ACSM2B: variants seen among roughly 807,000 people sequenced by gnomAD.
ACSM2B encodes the protein acyl-CoA synthetase medium chain family member 2B, also known as acyl-coenzyme A synthetase ACSM2B, mitochondrial.
ACSM2B carries 58 observed loss-of-function variants against 78.6 expected under a neutral mutation model. The observed-to-expected ratio is 0.74, with a 90% CI of 0.60 to 0.92. The LOEUF is 0.92. ACSM2B is among the 40% of genes least tolerant of loss of function. ACSM2B has a pLI of 0.00. For synonymous variants in ACSM2B, 257 were observed against 256.8 expected (o/e 1.00, Z -0.01); for missense variants, 688 against 711.2 (o/e 0.97, Z 0.37).
chr16:20,565,597 C>A (rs956026140), intron 1 of ACSM2B, among the ~76,000 whole-genome samples: 26 of 152,244 alleles, frequency 1.7e-4, no homozygotes, highest in South Asian at 8.3e-4. Context: ...TGGACTGATA[C>A]ATCCTAAATC....
chr16:20,561,946 G>A (rs1352101886), intron 2 of ACSM2B, among the ~76,000 whole-genome samples: 3 of 56,470 alleles, frequency 5.3e-5, no homozygotes, highest in East Asian at 7.9e-4. Flanking sequence ...TCCCACCTAT[G>A]AGTGAGAACA....
In ACSM2B at chr16:20,566,676, C is replaced by CTATATATAATATATACTATATATACTAT. The variant is rs1435556712; in HGVS notation, c.-8-1824_-8-1823insATAGTATATATAGTATATATTATATATA. On this transcript the variant is annotated intron_variant, in intron 1 of 13. Coordinates refer to ENST00000329697, the MANE Select transcript of ACSM2B (RefSeq NM_001105069.2). ...TATATATATGTATATATAGTATATACATATAGTATATACTATATATAGTAT... is the reference window on the plus strand; with the variant it reads ...TATATATATGTATATATAGTATATACTATATATAATATATACTATATATACTATATATAGTATATACTATATATAGTAT... Among the ~76,000 whole-genome samples, 35 of 5,542 alleles carry CTATATATAATATATACTATATATACTAT rather than the reference C, an allele frequency of 6.3e-3. 1 individual carries two copies. Among genetic ancestry groups the CTATATATAATATATACTATATATACTAT allele is most frequent in the African/African-American group, 0.013 (26 of 2,002 alleles). 3.6% of individuals were successfully genotyped at this position (5,542 alleles called of 152,430 possible). A position where few individuals can be genotyped will look rare whatever the true frequency, so the allele number is the denominator to read the frequency against.
At chr16:20,546,563 C>A in intron 8 of ACSM2B, 89 bp from the exon 9 acceptor site, 1 of 1,542,460 alleles carries the variant, frequency 6.5e-7, no homozygotes, top group East Asian at 2.3e-5. Flanking sequence ...CGGGTCCTGA[C>A]ACTGTCCTGA....
At chr16:20,541,495 C>A (rs1385548945) in intron 12 of ACSM2B, among the ~76,000 whole-genome samples, 1 of 151,996 alleles carries the variant, frequency 6.6e-6, no homozygotes, top group African/African-American at 2.4e-5. Flanking sequence ...GGCACAGGGG[C>A]TCTATCCTTT....
chr16:20,545,299 G>C, intron 9 of ACSM2B, 41 bp from the exon 10 acceptor site: 1 of 1,591,952 alleles, frequency 6.3e-7, no homozygotes, highest in Non-Finnish European at 8.6e-7. Context: ...GCACACAGCA[G>C]GAGATGGCTT....
At position 20,548,378 on chromosome 16, in the gene ACSM2B, C is replaced by A; in HGVS notation, c.974+16G>T. The A allele has an allele frequency of 1.2e-6, 2 of 1,613,524 alleles. No individual in the cohort carries two copies. Among genetic ancestry groups the A allele is most frequent in the Non-Finnish European group, 8.5e-7 (1 of 1,179,688 alleles). ...ATGGGGCCAGACTCTCTTACCAATCCTCAAAGCCCCATCACCTGGAAAGAT... is the reference window on the plus strand; with the variant it reads ...ATGGGGCCAGACTCTCTTACCAATCATCAAAGCCCCATCACCTGGAAAGAT... On this transcript the variant is annotated intron_variant, in intron 7 of 13. Coordinates refer to ENST00000329697, the MANE Select transcript of ACSM2B (RefSeq NM_001105069.2).
Position 20,542,999 on chromosome 16 carries a change from G to A in ACSM2B, c.1424C>T (p.Pro475Leu). 1 of 1,613,526 alleles carries A rather than the reference G, an allele frequency of 6.2e-7. No homozygotes were observed. The highest frequency in any genetic ancestry group is 1.3e-5 in the African/African-American group (1 of 74,674). ...CATCAGTGCATTCTCTACCTCCGAGGGTCCAATCCGGTACCTGCAGAAGAA... is the reference window on the plus strand; with the variant it reads ...CATCAGTGCATTCTCTACCTCCGAGAGTCCAATCCGGTACCTGCAGAAGAA... ...IINSSGYRIGPSEVENALMKH... is the reference protein window; with the variant it reads ...IINSSGYRIGLSEVENALMKH... Residue 475 changes from proline (P) to leucine (L), a missense_variant, in exon 12 of 14, where the codon CCC becomes CTC. Transcript: ENST00000329697.
chr16:20,566,741 C>CAG (rs1596735631), intron 1 of ACSM2B, among the ~76,000 whole-genome samples: 1 of 44,810 alleles, frequency 2.2e-5, no homozygotes, highest in Non-Finnish European at 3.5e-5. Flanking sequence ...ATAGTATATA[C>CAG]TATATATACT....
intron 1 of ACSM2B, chr16:20,573,976 CTG>C (rs1163192469): frequency 6.6e-6 from 1 of 151,538 alleles, no homozygotes; most frequent in Non-Finnish European, 1.5e-5. Context: ...GAGAACCACT[CTG>C]ACTAGAATTT....
chr16:20,556,608 A>G (rs1466979563), intron 3 of ACSM2B, among the ~76,000 whole-genome samples: 2 of 152,246 alleles, frequency 1.3e-5, no homozygotes, highest in African/African-American at 4.8e-5. Flanking sequence ...TCTCAAAAAA[A>G]TAAAAGAAAA....
rs1385109189 is a variant in ACSM2B, at chr16:20,555,476, C to T, written c.389G>A (p.Gly130Asp). 8.1e-6 allele frequency: 13 copies of T among 1,611,712 alleles called. No individual in the cohort carries two copies. Among genetic ancestry groups the T allele is most frequent in the Admixed American group, 1.7e-5 (1 of 59,850 alleles). ...WLVILGCIRA[G>D]LIFMPGTIQM... ...GATGGTTCCAGGCATAAAGATGAGACCTAAAGAAGCCAACAATTTAGAGAA... is the reference window on the plus strand; with the variant it reads ...GATGGTTCCAGGCATAAAGATGAGATCTAAAGAAGCCAACAATTTAGAGAA... Residue 130 changes from glycine to aspartate, a missense_variant and splice_region_variant, in exon 4 of 14, where the codon GGT becomes GAT. Transcript: ENST00000329697.
intron 1 of ACSM2B, among the ~76,000 whole-genome samples, chr16:20,573,433 C>A (rs2016149102): frequency 6.7e-6 from 1 of 149,602 alleles, no homozygotes; most frequent in Non-Finnish European, 1.5e-5. Flanking sequence ...AGGCTGATGG[C>A]AGCATGGGTT....
intron 8 of ACSM2B, chr16:20,547,383 A>G (rs2015172718): frequency 3.0e-6 from 3 of 985,104 alleles, no homozygotes; most frequent in Non-Finnish European, 3.6e-6. Flanking sequence ...AAGTTCTACC[A>G]AGGGTACTCA....
intron 1 of ACSM2B, among the ~76,000 whole-genome samples, chr16:20,566,125 A>G (rs1342289301): frequency 6.9e-6 from 1 of 145,290 alleles, no homozygotes; most frequent in Non-Finnish European, 1.5e-5. Flanking sequence ...TAAAAATTCT[A>G]TTTTTATATA....
chr16:20,546,628 A>T, intron 8 of ACSM2B, 154 bp from the exon 9 acceptor site: 1 of 1,301,284 alleles, frequency 7.7e-7, no homozygotes, highest in Admixed American at 3.1e-5. Context: ...CTCTCTCCCC[A>T]TTACTGGAAT....
chr16:20,564,408 G>T (rs1477116244), intron 2 of ACSM2B, among the ~76,000 whole-genome samples: 1 of 152,126 alleles, frequency 6.6e-6, no homozygotes, highest in Non-Finnish European at 1.5e-5. Flanking sequence ...AGCATGTGCA[G>T]TCTACATACA....
chr16:20,548,419 T>G lies in ACSM2B; in HGVS notation c.949A>C (p.Met317Leu). The G allele has an allele frequency of 6.2e-7, 1 of 1,613,616 alleles. No homozygotes were observed. The highest frequency in any genetic ancestry group is 2.2e-5 in the East Asian group (1 of 44,882). ...CTGGAAAGATCCTGCTGTAGCAACA[T>G]CCGGTAAACAATAGGGGCACCCATC... ...SMMGAPIVYR[M>L]LLQQDLSSYK... is the part of the protein sequence containing the mutation. Residue 317 changes from methionine to leucine, a missense_variant, in exon 7 of 14, where the codon ATG becomes CTG. By Grantham distance (15) the Met-to-Leu change is conservative (BLOSUM62 2). Transcript: ENST00000329697.
chr16:20,571,393 G>A (rs2016090582), intron 1 of ACSM2B, among the ~76,000 whole-genome samples: 1 of 151,924 alleles, frequency 6.6e-6, no homozygotes, highest in African/African-American at 2.4e-5. Context: ...GATTCCTTTT[G>A]GAGTTGATTT....
chr16:20,536,672 T>C lies in ACSM2B; in HGVS notation c.*586A>G, dbSNP rs1157171954. On this transcript the variant is annotated 3_prime_UTR_variant, in exon 14 of 14. Transcript: ENST00000329697. ...TATCTGTGGGAATATTTATAGGTTTTCCTCTTTACTTCCCTCTCTTCCTTT... is the reference window on the plus strand; with the variant it reads ...TATCTGTGGGAATATTTATAGGTTTCCCTCTTTACTTCCCTCTCTTCCTTT... 6.6e-6 allele frequency: 1 copy of C among 152,144 alleles called. No individual in the cohort carries two copies. Among genetic ancestry groups the C allele is most frequent in the East Asian group, 1.9e-4 (1 of 5,190 alleles). 9.4% of individuals were successfully genotyped at this position (152,144 alleles called of 1,614,324 possible).
Sources: gnomAD v4.1 joint callset for allele counts (sites outside exome capture counted in the v4.1 genomes callset) on GRCh38, gnomAD v4.1.1 for gene constraint, MANE v1.5 for transcripts, NCBI Gene and HGNC (gene_info 2026-07-23, HGNC 2026-07-21) for gene names.